INPP4B: variants seen among roughly 807,000 people sequenced by gnomAD.
INPP4B encodes the protein inositol polyphosphate-4-phosphatase type II B.
Under a neutral mutation model 122.5 loss-of-function variants are expected in INPP4B, and 55 were observed. The observed-to-expected ratio is 0.45, with a 90% CI of 0.36 to 0.56. INPP4B has a LOEUF of 0.56. Ranked by LOEUF, INPP4B falls within the 20% of genes least tolerant of loss-of-function variation. The probability of loss-of-function intolerance (pLI) is 0.00; values close to 1 mark genes in which losing one functional copy is unlikely to be tolerated. For synonymous variants in INPP4B, 403 were observed against 388.7 expected (o/e 1.04, Z -0.43); for missense variants, 1,000 against 1,097.7 (o/e 0.91, Z 1.26).
intron 2 of INPP4B, among the ~76,000 whole-genome samples, chr4:142,521,249 T>C (rs1188273341): frequency 6.6e-6 from 1 of 151,920 alleles, no homozygotes; most frequent in African/African-American, 2.4e-5. Context: ...TTAATAGATG[T>C]TTCATTAAGA....
intron 25 of INPP4B, among the ~76,000 whole-genome samples, chr4:142,072,911 T>A (rs1440349520): frequency 6.6e-6 from 1 of 152,100 alleles, no homozygotes; most frequent in East Asian, 1.9e-4. Flanking sequence ...ATAAAGAACC[T>A]AAGGCCTCTT....
chr4:142,225,686 T>C (rs1333588405), intron 12 of INPP4B, among the ~76,000 whole-genome samples: 2 of 151,746 alleles, frequency 1.3e-5, no homozygotes, highest in South Asian at 2.1e-4. Flanking sequence ...GAATTAATGA[T>C]GAAAATTGTA....
chr4:142,262,365 T>G (rs1033383813), intron 10 of INPP4B, among the ~76,000 whole-genome samples: 5 of 152,168 alleles, frequency 3.3e-5, no homozygotes, highest in Admixed American at 3.3e-4. Context: ...AAAAGCATGC[T>G]GCCACCTTGG....
At chr4:142,687,030 C>A (rs1163973908) in intron 2 of INPP4B, among the ~76,000 whole-genome samples, 3 of 151,868 alleles carry the variant, frequency 2.0e-5, no homozygotes, top group Admixed American at 6.6e-5. Flanking sequence ...AAAAAAAATT[C>A]TTGGGGATTC....
At chr4:142,368,844 A>C (rs934107219) in intron 7 of INPP4B, among the ~76,000 whole-genome samples, 11 of 152,272 alleles carry the variant, frequency 7.2e-5, no homozygotes, top group African/African-American at 2.2e-4. Context: ...CCAATCATCT[A>C]GGAAGAACAA....
At chr4:142,605,611 G>A (rs1255942009) in intron 2 of INPP4B, among the ~76,000 whole-genome samples, 2 of 151,646 alleles carry the variant, frequency 1.3e-5, no homozygotes, top group Non-Finnish European at 2.9e-5. Context: ...TAAAAAGTTA[G>A]CATCGGTCAT....
At chr4:142,194,134 C>T (rs1272399254) in intron 14 of INPP4B, among the ~76,000 whole-genome samples, 2 of 152,038 alleles carry the variant, frequency 1.3e-5, no homozygotes, top group African/African-American at 4.8e-5. Flanking sequence ...GTAGTTCAAT[C>T]CAGATGCATC....
intron 3 of INPP4B, among the ~76,000 whole-genome samples, chr4:142,451,089 T>G (rs1439843008): frequency 6.6e-6 from 1 of 151,958 alleles, no homozygotes; most frequent in Admixed American, 6.6e-5. Context: ...TGATCTTATT[T>G]ATAGTATCCT....
chr4:142,415,621 A>C (rs1805555256), intron 5 of INPP4B, among the ~76,000 whole-genome samples: 1 of 152,004 alleles, frequency 6.6e-6, no homozygotes, highest in African/African-American at 2.4e-5. Context: ...TAGAACTAGA[A>C]ATACCATTTG....
chr4:142,840,830 C>G (rs544317391), intron 1 of INPP4B, among the ~76,000 whole-genome samples: 2 of 151,936 alleles, frequency 1.3e-5, no homozygotes, highest in African/African-American at 4.8e-5. Flanking sequence ...GTCTAAAATA[C>G]TTTATTCATA....
At chr4:142,735,387 A>G (rs1455883315) in intron 1 of INPP4B, among the ~76,000 whole-genome samples, 1 of 152,168 alleles carries the variant, frequency 6.6e-6, no homozygotes, top group Admixed American at 6.5e-5. Flanking sequence ...TTTAGAAATA[A>G]CATTATTATC....
rs575857139 is a variant in INPP4B, at chr4:142,087,732, A to C, written c.2375-1476T>G. ...CTTTGTACTTTTTCAAATTTGTACC[A>C]GATGTTGCAGTTTAGCAAAATAATA... On this transcript the variant is annotated intron_variant, in intron 23 of 25. Coordinates refer to ENST00000262992, the MANE Select transcript of INPP4B (RefSeq NM_001101669.3). Among the ~76,000 whole-genome samples, 7 of 152,372 alleles carry C rather than the reference A, an allele frequency of 4.6e-5. No individual in the cohort carries two copies. The South Asian group carries it at 1.4e-3, about 32-fold the overall frequency.
chr4:142,730,147 C>G (rs1765873193), intron 1 of INPP4B, among the ~76,000 whole-genome samples: 1 of 152,134 alleles, frequency 6.6e-6, no homozygotes, highest in African/African-American at 2.4e-5. Flanking sequence ...ATCTCCCAGC[C>G]CTTTTGGATT....
intron 2 of INPP4B, among the ~76,000 whole-genome samples, chr4:142,642,018 TG>T (rs1302460756): frequency 6.6e-6 from 1 of 152,248 alleles, no homozygotes; most frequent in East Asian, 1.9e-4. Context: ...TGATGACCAG[TG>T]ATGATGAGCA....
At chr4:142,665,298 C>A (rs954507971) in intron 2 of INPP4B, among the ~76,000 whole-genome samples, 1 of 152,026 alleles carries the variant, frequency 6.6e-6, no homozygotes, top group African/African-American at 2.4e-5. Context: ...GGAGACCATC[C>A]TTGCTAACAC....
intron 22 of INPP4B, among the ~76,000 whole-genome samples, chr4:142,110,640 G>A (rs1789545847): frequency 6.6e-6 from 1 of 152,080 alleles, no homozygotes; most frequent in Non-Finnish European, 1.5e-5. Flanking sequence ...CAGGCCTCCT[G>A]CTTCTCTCAG....
intron 8 of INPP4B, among the ~76,000 whole-genome samples, chr4:142,307,917 T>C (rs1764057684): frequency 6.6e-6 from 1 of 151,884 alleles, no homozygotes; most frequent in African/African-American, 2.4e-5. Context: ...TTTTTGGCAA[T>C]AAAAGTAGCA....
chr4:142,126,955 A>C (rs1012526871), intron 18 of INPP4B, among the ~76,000 whole-genome samples: 3 of 152,190 alleles, frequency 2.0e-5, no homozygotes, highest in Non-Finnish European at 4.4e-5. Flanking sequence ...ACTTCAATAA[A>C]TTAACCCAGA....
Position 142,636,756 on chromosome 4 carries a change from T to C in INPP4B, c.-191+89083A>G, listed in dbSNP as rs1175483296. On this transcript the variant is annotated intron_variant, in intron 2 of 25. Transcript: ENST00000262992. ...ACTTTTGCTATATATTCACATACTT[T>C]AGTCCATTTATTAGCTCCCTTTCTC... 2.0e-5 allele frequency among the ~76,000 whole-genome samples: 3 copies of C among 152,274 alleles called. No homozygotes were observed. The East Asian group carries it at 5.8e-4, about 29-fold the overall frequency.
Sources: gnomAD v4.1 joint callset for allele counts (sites outside exome capture counted in the v4.1 genomes callset) on GRCh38, gnomAD v4.1.1 for gene constraint, MANE v1.5 for transcripts, NCBI Gene and HGNC (gene_info 2026-07-23, HGNC 2026-07-21) for gene names.